Variants in ITSN1 observed in about 807,000 individuals in gnomAD.
The protein encoded by ITSN1 is intersectin 1.
ITSN1 carries 58 observed loss-of-function variants against 239.8 expected under a neutral mutation model. That is an observed-to-expected ratio of 0.24 (90% CI 0.20 to 0.30). The LOEUF (loss-of-function observed/expected upper bound fraction) is 0.30, where lower values mean the gene tolerates loss of function less well. Ranked by LOEUF, ITSN1 falls within the 10% of genes least tolerant of loss-of-function variation. The probability of loss-of-function intolerance (pLI) is 1.00; values close to 1 mark genes in which losing one functional copy is unlikely to be tolerated. For missense variants in ITSN1, 1,558 were observed against 2,103.3 expected, an observed-to-expected ratio of 0.74 and a Z score of 5.07; for synonymous variants, 780 against 770.8, an observed-to-expected ratio of 1.01 and a Z score of -0.20.
At chr21:33,795,241 G>A (rs2148021977) in intron 17 of ITSN1, among the ~76,000 whole-genome samples, 1 of 152,294 alleles carries the variant, frequency 6.6e-6, no homozygotes, top group East Asian at 1.9e-4. Context: ...ACGAGGTCAA[G>A]ATATTAGGAC....
At chr21:33,860,021 C>G (rs544422543) in intron 31 of ITSN1, among the ~76,000 whole-genome samples, 1 of 152,124 alleles carries the variant, frequency 6.6e-6, no homozygotes. Context: ...TCTACATAGA[C>G]GATAGCTGGG....
chr21:33,646,787 T>C (rs933930939), intron 1 of ITSN1, among the ~76,000 whole-genome samples: 5 of 152,272 alleles, frequency 3.3e-5, no homozygotes, highest in South Asian at 2.1e-4. Flanking sequence ...CATTTAATTA[T>C]TGTACTACTG....
At position 33,721,162 on chromosome 21, in the gene ITSN1, T is replaced by C. The variant is rs374075377; in HGVS notation, c.29-16T>C. 2.5e-5 allele frequency: 39 copies of C among 1,589,674 alleles called. No individual in the cohort carries two copies. Among genetic ancestry groups the C allele is most frequent in the Non-Finnish European group, 3.0e-5 (35 of 1,158,030 alleles). ...TTCTCACTGAATAATTTGTTTGTCT[T>C]TTCTTTGGATTTTAGGCAGCCTGGA... On this transcript the variant is annotated splice_polypyrimidine_tract_variant and intron_variant, in intron 2 of 39. Transcript: ENST00000381318.
chr21:33,861,743 G>A (rs1980572073), intron 31 of ITSN1, among the ~76,000 whole-genome samples: 2 of 151,968 alleles, frequency 1.3e-5, no homozygotes, highest in Admixed American at 1.3e-4. Flanking sequence ...TCAGGAGATT[G>A]AGACCATCCT....
intron 31 of ITSN1, among the ~76,000 whole-genome samples, chr21:33,860,636 C>G (rs772349309): frequency 3.3e-5 from 5 of 152,208 alleles, no homozygotes; most frequent in African/African-American, 4.8e-5. Context: ...AACTGACAGC[C>G]CTGTTACGGC....
chr21:33,653,241 C>T (rs1196939057), intron 1 of ITSN1, among the ~76,000 whole-genome samples: 1 of 152,134 alleles, frequency 6.6e-6, no homozygotes, highest in African/African-American at 2.4e-5. Context: ...ATGATCTGCC[C>T]TCCTCAGCCT....
chr21:33,834,497 T>G (rs1172464446), intron 28 of ITSN1, 73 bp downstream of exon 28: 12 of 1,044,972 alleles, frequency 1.1e-5, no homozygotes, highest in Non-Finnish European at 1.6e-5. Context: ...ATTTTCTCAT[T>G]AAATATCTTA....
chr21:33,734,282 A>C (rs1419514006), intron 4 of ITSN1, among the ~76,000 whole-genome samples: 1 of 152,190 alleles, frequency 6.6e-6, no homozygotes, highest in Non-Finnish European at 1.5e-5. Context: ...CAAAAGGCCG[A>C]GAAGCGATTC....
chr21:33,718,355 A>G (rs1472554505), intron 1 of ITSN1, among the ~76,000 whole-genome samples: 2 of 152,228 alleles, frequency 1.3e-5, no homozygotes, highest in East Asian at 1.9e-4. Flanking sequence ...CCATAGGTTC[A>G]GCCTACCATA....
intron 24 of ITSN1, among the ~76,000 whole-genome samples, chr21:33,819,965 G>C (rs1031397999): frequency 1.3e-5 from 2 of 152,036 alleles, no homozygotes; most frequent in Non-Finnish European, 2.9e-5. Context: ...GTCCGGCCTG[G>C]GCGACAGAGC....
At chr21:33,724,163 C>G (rs2065677112) in intron 4 of ITSN1, among the ~76,000 whole-genome samples, 1 of 151,776 alleles carries the variant, frequency 6.6e-6, no homozygotes. Context: ...GATCTCTGTG[C>G]TTTTTTTGGG....
intron 7 of ITSN1, among the ~76,000 whole-genome samples, chr21:33,752,850 T>C (rs955498006): frequency 1.2e-4 from 18 of 151,646 alleles, no homozygotes; most frequent in Admixed American, 1.1e-3. Flanking sequence ...GCTTTTGGAA[T>C]TTATCCTGTC....
In ITSN1 at chr21:33,849,348, T is replaced by C. The variant is rs369848197; in HGVS notation, c.3662-7388T>C. ...TGGGAGGCCAAGGCAGACGGATCAC[T>C]TGAGGCCAGGAGTTGAAGACCAGCC... On this transcript the variant is annotated intron_variant, in intron 29 of 39. Coordinates refer to ENST00000381318, the MANE Select transcript of ITSN1 (RefSeq NM_003024.3). Among the ~76,000 whole-genome samples the C allele has an allele frequency of 3.8e-3, 570 of 149,978 alleles. 2 individuals carry two copies. The highest frequency in any genetic ancestry group is 0.013 in the African/African-American group (546 of 40,756).
At chr21:33,876,611 A>G (rs1983961989) in intron 34 of ITSN1, among the ~76,000 whole-genome samples, 1 of 152,214 alleles carries the variant, frequency 6.6e-6, no homozygotes, top group Admixed American at 6.5e-5. Context: ...TTAAACATAG[A>G]TATTCCTGGC....
At chr21:33,843,026 G>T (rs936703071) in intron 29 of ITSN1, among the ~76,000 whole-genome samples, 1 of 152,172 alleles carries the variant, frequency 6.6e-6, no homozygotes, top group Non-Finnish European at 1.5e-5. Flanking sequence ...AAAGGCCTGG[G>T]CTGCGGTGGA....
intron 33 of ITSN1, among the ~76,000 whole-genome samples, chr21:33,870,189 A>C (rs1419360195): frequency 2.6e-5 from 4 of 152,226 alleles, no homozygotes; most frequent in African/African-American, 9.6e-5. Context: ...TTTTGAAGTA[A>C]GTTTTCAACT....
intron 8 of ITSN1, among the ~76,000 whole-genome samples, chr21:33,756,191 T>G (rs774682590): frequency 2.7e-5 from 4 of 148,052 alleles, no homozygotes; most frequent in Non-Finnish European, 5.9e-5. Flanking sequence ...TCCCAGCTAC[T>G]GAGGCAGGAG....
chr21:33,687,431 A>C (rs2091305064), intron 1 of ITSN1, among the ~76,000 whole-genome samples: 1 of 139,408 alleles, frequency 7.2e-6, no homozygotes, highest in South Asian at 2.3e-4. Context: ...AAAAAAAAGA[A>C]TTTTCAAGCC....
chr21:33,771,279 T>C (rs2069137412), intron 11 of ITSN1, among the ~76,000 whole-genome samples: 1 of 151,820 alleles, frequency 6.6e-6, no homozygotes, highest in Non-Finnish European at 1.5e-5. Context: ...CAAGGCAGAG[T>C]GAGAAGCAAT....
Sources: gnomAD v4.1 joint callset for allele counts (sites outside exome capture counted in the v4.1 genomes callset) on GRCh38, gnomAD v4.1.1 for gene constraint, MANE v1.5 for transcripts, NCBI Gene and HGNC (gene_info 2026-07-23, HGNC 2026-07-21) for gene names.